PPFIA2: variants seen among roughly 807,000 people sequenced by gnomAD.
PPFIA2 encodes the protein PPFI scaffold protein A2.
PPFIA2 carries 46 observed loss-of-function variants against 175.5 expected under a neutral mutation model. The observed-to-expected ratio is 0.26, with a 90% CI of 0.21 to 0.34. PPFIA2 has a LOEUF of 0.34. PPFIA2 is among the 10% of genes least tolerant of loss of function. The pLI is 1.00. For missense variants in PPFIA2, 1,179 were observed against 1,506.1 expected, an observed-to-expected ratio of 0.78 and a Z score of 3.60; for synonymous variants, 568 against 511.4, an observed-to-expected ratio of 1.11 and a Z score of -1.49.
At chr12:81,332,529 C>T (rs1417767520) in intron 21 of PPFIA2, among the ~76,000 whole-genome samples, 1 of 152,122 alleles carries the variant, frequency 6.6e-6, no homozygotes, top group Non-Finnish European at 1.5e-5. Flanking sequence ...GAACTCTCTC[C>T]AAACATTATG....
At chr12:81,358,892 G>T (rs989974809) in intron 15 of PPFIA2, among the ~76,000 whole-genome samples, 1 of 151,986 alleles carries the variant, frequency 6.6e-6, no homozygotes, top group African/African-American at 2.4e-5. Flanking sequence ...AAGCACATTT[G>T]ATTCTTAAAT....
chr12:81,497,995 G>A (rs1456612065), intron 4 of PPFIA2, among the ~76,000 whole-genome samples: 1 of 152,160 alleles, frequency 6.6e-6, no homozygotes, highest in East Asian at 1.9e-4. Context: ...CACAGACAAG[G>A]AGGAGGGCAC....
At chr12:81,586,865 C>T (rs372984424) in intron 4 of PPFIA2, among the ~76,000 whole-genome samples, 2 of 151,800 alleles carry the variant, frequency 1.3e-5, no homozygotes, top group African/African-American at 4.8e-5. Flanking sequence ...TATTTGTAAT[C>T]TTGAAATAAA....
intron 5 of PPFIA2, among the ~76,000 whole-genome samples, chr12:81,449,703 T>A (rs2052073228): frequency 6.6e-6 from 1 of 152,038 alleles, no homozygotes; most frequent in African/African-American, 2.4e-5. Context: ...GTTTATTACA[T>A]ATGTATACAT....
intron 3 of PPFIA2, among the ~76,000 whole-genome samples, chr12:81,707,915 C>T (rs528621200): frequency 1.3e-5 from 2 of 150,122 alleles, no homozygotes; most frequent in Non-Finnish European, 3.0e-5. Context: ...AGTAAACTAT[C>T]GCAAGAACAA....
intron 4 of PPFIA2, among the ~76,000 whole-genome samples, chr12:81,549,261 T>C (rs1332495940): frequency 6.6e-6 from 1 of 152,082 alleles, no homozygotes; most frequent in Non-Finnish European, 1.5e-5. Context: ...AAGAGTTATA[T>C]GTTTTACTGG....
intron 3 of PPFIA2, among the ~76,000 whole-genome samples, chr12:81,679,622 C>A (rs1291908119): frequency 6.6e-6 from 1 of 151,850 alleles, no homozygotes; most frequent in Admixed American, 6.6e-5. Context: ...AATTCAAAAT[C>A]AATTACGAAT....
chr12:81,695,917 T>G (rs2075841762), intron 3 of PPFIA2, among the ~76,000 whole-genome samples: 2 of 152,026 alleles, frequency 1.3e-5, no homozygotes, highest in Non-Finnish European at 2.9e-5. Flanking sequence ...ATAAGCAGTA[T>G]CCCCCCAAAA....
chr12:81,536,692 C>T (rs754815590), intron 4 of PPFIA2, among the ~76,000 whole-genome samples: 18 of 135,788 alleles, frequency 1.3e-4, no homozygotes, highest in Non-Finnish European at 2.0e-4. Context: ...TATATACATG[C>T]TATATATATA....
Position 81,263,121 on chromosome 12 carries a change from A to G in PPFIA2, c.3715+110T>C. The G allele has an allele frequency of 2.7e-6, 3 of 1,129,118 alleles. No individual in the cohort carries two copies. In the South Asian group the frequency reaches 5.3e-5, roughly 20 times the overall value. 69.9% of individuals were successfully genotyped at this position (1,129,118 alleles called of 1,614,324 possible). A position where few individuals can be genotyped will look rare whatever the true frequency, so the allele number is the denominator to read the frequency against. ...GATGAGAGCAAAGTAAATTTCAAGC[A>G]GAGCAAACCAACTCAAGAAAATAAT... On this transcript the variant is annotated intron_variant, in intron 31 of 32. Coordinates refer to ENST00000549396, the MANE Select transcript of PPFIA2 (RefSeq NM_003625.5).
intron 4 of PPFIA2, among the ~76,000 whole-genome samples, chr12:81,467,002 C>T (rs2055783563): frequency 2.7e-5 from 4 of 149,838 alleles, no homozygotes; most frequent in South Asian, 4.2e-4. Context: ...AAACGTAACT[C>T]GAGATTCACC....
At position 81,295,033 on chromosome 12, in the gene PPFIA2, A is replaced by G. The variant is rs777695660; in HGVS notation, c.2727T>C (p.Leu909=). The change falls in exon 24 of 33, where the codon CTT becomes CTC. Residue 909 remains leucine, a splice_region_variant and synonymous_variant. Transcript: ENST00000549396. ...CGTACCACGCAGGCATTCCCAACCA[A>G]AGCTGTTAGATAGGAAAAAATACAC... ...DGPTVVAWLE[L]WLGMPAWYVA... 4.3e-6 allele frequency: 7 copies of G among 1,613,004 alleles called. No individual in the cohort carries two copies. The Admixed American group carries it at 1.2e-4, about 27-fold the overall frequency.
At chr12:81,307,141 G>C (rs760165163) in intron 22 of PPFIA2, among the ~76,000 whole-genome samples, 1 of 151,848 alleles carries the variant, frequency 6.6e-6, no homozygotes, top group African/African-American at 2.4e-5. Context: ...GAAATATTTT[G>C]TGATCAGCCC....
Position 81,299,400 on chromosome 12 carries a change from G to C in PPFIA2, c.2643-18C>G, listed in dbSNP as rs1279816092. 2 of 1,564,532 alleles carry C rather than the reference G, an allele frequency of 1.3e-6. No homozygotes were observed. The highest frequency in any genetic ancestry group is 1.9e-5 in the Admixed American group (1 of 52,854). ...GTTCATGCCTGAAGTATATAGCAAAGATTATTAGGCAGGTATATGGAAAAA... is the reference window on the plus strand; with the variant it reads ...GTTCATGCCTGAAGTATATAGCAAACATTATTAGGCAGGTATATGGAAAAA... On this transcript the variant is annotated intron_variant, in intron 22 of 32. Transcript: ENST00000549396.
intron 4 of PPFIA2, among the ~76,000 whole-genome samples, chr12:81,576,070 C>T (rs1359246347): frequency 6.6e-6 from 1 of 151,388 alleles, no homozygotes; most frequent in African/African-American, 2.4e-5. Context: ...CATAGCCATC[C>T]CATTTCACGT....
intron 4 of PPFIA2, among the ~76,000 whole-genome samples, chr12:81,569,748 A>G (rs1277438208): frequency 6.6e-6 from 1 of 152,200 alleles, no homozygotes; most frequent in East Asian, 1.9e-4. Flanking sequence ...TAATCAATAC[A>G]AGGATACTGC....
chr12:81,502,889 C>A (rs550361835), intron 4 of PPFIA2, among the ~76,000 whole-genome samples: 91 of 152,128 alleles, frequency 6.0e-4, no homozygotes, highest in African/African-American at 1.9e-3. Context: ...TAATCTAATG[C>A]AACTTGTACC....
At chr12:81,266,180 T>C (rs936442810) in intron 30 of PPFIA2, among the ~76,000 whole-genome samples, 3 of 152,230 alleles carry the variant, frequency 2.0e-5, no homozygotes, top group African/African-American at 7.2e-5. Flanking sequence ...AGCTTGTCTT[T>C]GTAGTAAGGA....
chr12:81,454,780 A>G (rs548147715), intron 5 of PPFIA2, among the ~76,000 whole-genome samples: 71 of 152,246 alleles, frequency 4.7e-4, no homozygotes, highest in African/African-American at 1.6e-3. Flanking sequence ...GTGAGCCACA[A>G]GTTGATCAGA....
Sources: gnomAD v4.1 joint callset for allele counts (sites outside exome capture counted in the v4.1 genomes callset) on GRCh38, gnomAD v4.1.1 for gene constraint, MANE v1.5 for transcripts, NCBI Gene and HGNC (gene_info 2026-07-23, HGNC 2026-07-21) for gene names.